MTUS2: variants seen among roughly 807,000 people sequenced by gnomAD.
MTUS2 encodes microtubule-associated tumor suppressor candidate 2.
In MTUS2, 40 loss-of-function variants were observed where a neutral mutation model predicts 114.1. The ratio of observed to expected loss-of-function variants is 0.35; its 90% CI spans 0.27 to 0.46. MTUS2 has a LOEUF of 0.46. Ranked by LOEUF, MTUS2 falls within the 20% of genes least tolerant of loss-of-function variation. MTUS2 has a pLI of 1.00. For synonymous variants in MTUS2, 688 were observed against 672.0 expected (o/e 1.02, Z -0.37); for missense variants, 1,679 against 1,705.4 (o/e 0.98, Z 0.27).
chr13:29,410,370 G>A (rs995411430), intron 8 of MTUS2, among the ~76,000 whole-genome samples: 4 of 152,044 alleles, frequency 2.6e-5, no homozygotes, highest in African/African-American at 7.2e-5. Flanking sequence ...CAGGTGATCC[G>A]CCCGCCTCGG....
rs551400223 is a variant in MTUS2 at position 29,266,469 on chromosome 13, G to A, written c.2645-15235G>A. Among the ~76,000 whole-genome samples the A allele has an allele frequency of 1.8e-3, 275 of 152,186 alleles. 1 individual carries two copies. Among genetic ancestry groups the A allele is most frequent in the South Asian group, 0.018 (85 of 4,816 alleles). ...ACAGAAGAAAATTATTAGGTAAATG[G>A]CACCCTCTCTTGGGGGAAAGAGTAG... On this transcript the variant is annotated intron_variant, in intron 5 of 15. Coordinates refer to ENST00000612955, the MANE Select transcript of MTUS2 (RefSeq NM_001033602.4).
intron 2 of MTUS2, among the ~76,000 whole-genome samples, chr13:28,947,470 G>A (rs1286695892): frequency 1.3e-5 from 2 of 152,128 alleles, no homozygotes; most frequent in Non-Finnish European, 2.9e-5. Context: ...ACCTCAATAT[G>A]TTTGCGAATG....
At chr13:29,111,273 C>T (rs1477024478) in intron 5 of MTUS2, among the ~76,000 whole-genome samples, 3 of 152,150 alleles carry the variant, frequency 2.0e-5, no homozygotes, top group Non-Finnish European at 4.4e-5. Flanking sequence ...TATTTTTTCT[C>T]TGTCTTAATA....
intron 9 of MTUS2, among the ~76,000 whole-genome samples, chr13:29,449,372 A>T (rs1456523983): frequency 6.6e-6 from 1 of 152,188 alleles, no homozygotes; most frequent in Non-Finnish European, 1.5e-5. Flanking sequence ...GGTATTTGTG[A>T]GATGATTTAC....
intron 15 of MTUS2, among the ~76,000 whole-genome samples, chr13:29,502,413 A>T (rs540537728): frequency 4.1e-4 from 62 of 152,374 alleles, no homozygotes; most frequent in African/African-American, 1.3e-3. Flanking sequence ...GGATGCTGGG[A>T]GTTCAGCATG....
At chr13:29,059,228 A>ATTTTTTTTGTTT (rs1888291600) in intron 4 of MTUS2, among the ~76,000 whole-genome samples, 1 of 97,126 alleles carries the variant, frequency 1.0e-5, no homozygotes, top group Non-Finnish European at 1.9e-5. Context: ...TATTCTTTGG[A>ATTTTTTTTGTTT]TTTTTTTTTT....
chr13:29,306,892 G>T, intron 6 of MTUS2: 1 of 511,926 alleles, frequency 2.0e-6, no homozygotes, highest in South Asian at 1.5e-5. Flanking sequence ...CCCCTTCATT[G>T]ACCTCAACTA....
intron 10 of MTUS2, among the ~76,000 whole-genome samples, chr13:29,485,860 G>T (rs985595286): frequency 2.2e-5 from 3 of 139,098 alleles, no homozygotes; most frequent in African/African-American, 7.9e-5. Flanking sequence ...TTAGAATCAC[G>T]CCAAGGGCCG....
intron 7 of MTUS2, among the ~76,000 whole-genome samples, chr13:29,348,230 T>C (rs1868907434): frequency 6.6e-6 from 1 of 151,938 alleles, no homozygotes; most frequent in Non-Finnish European, 1.5e-5. Flanking sequence ...CAAGACAGTC[T>C]ATTAGGGCAA....
intron 5 of MTUS2, among the ~76,000 whole-genome samples, chr13:29,132,572 C>T (rs1385578704): frequency 1.3e-5 from 2 of 152,188 alleles, no homozygotes; most frequent in Non-Finnish European, 2.9e-5. Context: ...TGAATGTGAC[C>T]ACTCTAGATA....
At chr13:29,057,085 TG>T (rs1714345928) in intron 4 of MTUS2, among the ~76,000 whole-genome samples, 1 of 152,092 alleles carries the variant, frequency 6.6e-6, no homozygotes, top group Admixed American at 6.6e-5. Flanking sequence ...CAGGGGTAGG[TG>T]GTTTAATTTC....
chr13:28,985,520 T>A (rs1352471470), intron 2 of MTUS2, among the ~76,000 whole-genome samples: 1 of 152,182 alleles, frequency 6.6e-6, no homozygotes, highest in Non-Finnish European at 1.5e-5. Context: ...AATTTGTTCC[T>A]TATATTTTAA....
intron 7 of MTUS2, among the ~76,000 whole-genome samples, chr13:29,333,440 G>A (rs972601871): frequency 4.6e-5 from 7 of 152,010 alleles, no homozygotes; most frequent in African/African-American, 9.7e-5. Flanking sequence ...CAGGTGATCC[G>A]CATGCCTTAG....
chr13:29,072,385 AAC>A (rs1888980555), intron 4 of MTUS2, among the ~76,000 whole-genome samples: 1 of 152,166 alleles, frequency 6.6e-6, no homozygotes, highest in South Asian at 2.1e-4. Flanking sequence ...TAGTCAACAA[AAC>A]ATTGACTAGA....
At chr13:28,861,853 C>T (rs924623476) in intron 2 of MTUS2, among the ~76,000 whole-genome samples, 1 of 152,130 alleles carries the variant, frequency 6.6e-6, no homozygotes, top group African/African-American at 2.4e-5. Context: ...GGGAAATGCC[C>T]TCCTGTGCCT....
chr13:29,250,449 C>A (rs577201552), intron 5 of MTUS2: 1 of 151,654 alleles, frequency 6.6e-6, no homozygotes, highest in East Asian at 1.9e-4. Context: ...TGTCTTAATT[C>A]ATCTTTGGAA....
At chr13:28,997,415 G>A (rs565200440) in intron 2 of MTUS2, among the ~76,000 whole-genome samples, 1 of 152,286 alleles carries the variant, frequency 6.6e-6, no homozygotes, top group Non-Finnish European at 1.5e-5. Flanking sequence ...TCTGCCTGGT[G>A]CAGAGCTGAG....
intron 2 of MTUS2, among the ~76,000 whole-genome samples, chr13:28,897,306 C>G (rs553471815): frequency 3.9e-5 from 6 of 152,194 alleles, no homozygotes; most frequent in Non-Finnish European, 8.8e-5. Context: ...AAATGCTCAT[C>G]ATCACTGGCC....
chr13:29,276,024 T>A (rs1308560816), intron 5 of MTUS2, among the ~76,000 whole-genome samples: 1 of 152,216 alleles, frequency 6.6e-6, no homozygotes, highest in Non-Finnish European at 1.5e-5. Context: ...GCTCTTACAT[T>A]TAGGTCTAAG....
Sources: allele counts gnomAD v4.1 joint callset (sites outside exome capture counted in the v4.1 genomes callset), GRCh38; gene constraint gnomAD v4.1.1; transcripts MANE v1.5; gene names NCBI Gene and HGNC (gene_info 2026-07-23, HGNC 2026-07-21).